Variants in ZC3H6 observed in about 807,000 individuals in gnomAD.
The protein encoded by ZC3H6 is zinc finger CCCH domain-containing protein 6.
A neutral mutation model predicts 107.7 loss-of-function variants in ZC3H6; 40 were observed. The observed-to-expected ratio is 0.37, with a 90% CI of 0.29 to 0.48. The LOEUF is 0.48. ZC3H6 is among the 20% of genes least tolerant of loss of function. The pLI is 0.98. For missense variants in ZC3H6, 1,267 were observed against 1,410.4 expected (o/e 0.90, Z 1.63); for synonymous variants, 493 against 487.9 (o/e 1.01, Z -0.14).
intron 1 of ZC3H6, among the ~76,000 whole-genome samples, chr2:112,285,577 C>T (rs1259802738): frequency 1.3e-5 from 2 of 148,766 alleles, no homozygotes; most frequent in African/African-American, 4.9e-5. Flanking sequence ...AGGCTGGTCT[C>T]CAACTCCCAA....
At chr2:112,309,171 A>G (rs1401383922) in intron 3 of ZC3H6, among the ~76,000 whole-genome samples, 1 of 152,232 alleles carries the variant, frequency 6.6e-6, no homozygotes, top group Non-Finnish European at 1.5e-5. Flanking sequence ...ACTAAAAAAA[A>G]TTGACAGAGG....
intron 9 of ZC3H6, 80 bp from the exon 10 acceptor site, chr2:112,324,072 C>A: frequency 2.1e-6 from 3 of 1,429,952 alleles, no homozygotes; most frequent in Non-Finnish European, 1.9e-6. Flanking sequence ...AGTACTTAAC[C>A]AATATCTGTT....
In ZC3H6 at chr2:112,322,886, CATA is replaced by C. The variant is rs1258225612; in HGVS notation, c.1326_1328del (p.His442_Lys443delinsGln). The C allele has an allele frequency of 3.2e-6, 5 of 1,580,620 alleles. No homozygotes were observed. The highest frequency in any genetic ancestry group is 4.3e-6 in the Non-Finnish European group (5 of 1,167,896). ...TGTAAAACCTACTGTGGATTTAGCG[CATA>C]AAATTGGGAGGAAGTAAGTGAAAAA... is the stretch of plus-strand genomic sequence containing the variant. On this transcript the variant is annotated inframe_deletion, in exon 9 of 12. Coordinates refer to ENST00000409871, the MANE Select transcript of ZC3H6 (RefSeq NM_198581.3).
At position 112,326,859 on chromosome 2, in the gene ZC3H6, C is replaced by T. The variant is rs538350448; in HGVS notation, c.2086+1662C>T. Among the ~76,000 whole-genome samples the T allele has an allele frequency of 1.8e-3, 271 of 152,022 alleles. 1 individual carries two copies. The highest frequency in any genetic ancestry group is 3.7e-3 in the South Asian group (18 of 4,806). ...AACTCCTGACCTCAGGTGATCTGCCCGCCTCGGCCTCCCAAAGTGCTGGGA... is the reference window on the plus strand; with the variant it reads ...AACTCCTGACCTCAGGTGATCTGCCTGCCTCGGCCTCCCAAAGTGCTGGGA... On this transcript the variant is annotated intron_variant, in intron 11 of 11. Coordinates refer to ENST00000409871, the MANE Select transcript of ZC3H6 (RefSeq NM_198581.3).
Position 112,332,477 on chromosome 2 carries a change from C to T in ZC3H6, c.3559C>T (p.Pro1187Ser). The T allele has an allele frequency of 1.9e-6, 3 of 1,604,542 alleles. No homozygotes were observed. The highest frequency in any genetic ancestry group is 1.1e-5 in the South Asian group (1 of 89,500). Reference sequence around the variant, plus strand: ...TAAAACTTTTGATCCAACTGCTTCACCATTTTGTTAGCTATTGTGTAACTG... The same window carrying T: ...TAAAACTTTTGATCCAACTGCTTCATCATTTTGTTAGCTATTGTGTAACTG... ...VFKTFDPTAS[P>S]FC The change falls in exon 12 of 12, where the codon CCA becomes TCA. Residue 1187 changes from proline (P) to serine (S), a missense_variant. Pro to Ser is a moderately conservative substitution (Grantham distance 74, BLOSUM62 -1). Transcript: ENST00000409871.
chr2:112,283,210 A>G (rs927056628), intron 1 of ZC3H6, among the ~76,000 whole-genome samples: 1 of 152,072 alleles, frequency 6.6e-6, no homozygotes, highest in African/African-American at 2.4e-5. Context: ...ATGTGTACCA[A>G]CCAAGACAGT....
intron 2 of ZC3H6, among the ~76,000 whole-genome samples, chr2:112,301,608 GAGT>G (rs531306479): frequency 9.2e-5 from 14 of 152,122 alleles, no homozygotes; most frequent in Non-Finnish European, 1.9e-4. Context: ...GAATAATGGA[GAGT>G]AAGTCTTCCA....
intron 1 of ZC3H6, among the ~76,000 whole-genome samples, chr2:112,277,366 G>T (rs983434317): frequency 1.3e-5 from 2 of 151,792 alleles, no homozygotes; most frequent in African/African-American, 4.8e-5. Flanking sequence ...CCAATGATGG[G>T]GTTTTGCTAA....
chr2:112,291,757 C>T (rs1048328425), intron 1 of ZC3H6, among the ~76,000 whole-genome samples: 2 of 152,086 alleles, frequency 1.3e-5, no homozygotes, highest in Non-Finnish European at 2.9e-5. Flanking sequence ...CTCATTCTGT[C>T]GCCCAGGCCA....
Position 112,332,231 on chromosome 2 carries a change from G to T in ZC3H6, c.3313G>T (p.Val1105Phe). Residue 1105 changes from valine (V) to phenylalanine (F), a missense_variant, in exon 12 of 12, where the codon GTC becomes TTC. Transcript: ENST00000409871. ...LPQKPSPNVG[V>F]TLEGPADPQA... ...ACAAAAACCCAGTCCAAACGTGGGAGTCACTCTTGAGGGGCCAGCTGACCC... is the reference window on the plus strand; with the variant it reads ...ACAAAAACCCAGTCCAAACGTGGGATTCACTCTTGAGGGGCCAGCTGACCC... 1 of 1,614,020 alleles carries T rather than the reference G, an allele frequency of 6.2e-7. No individual in the cohort carries two copies. The highest frequency in any genetic ancestry group is 8.5e-7 in the Non-Finnish European group (1 of 1,179,912).
chr2:112,325,925 G>C (rs1676898705), intron 11 of ZC3H6, among the ~76,000 whole-genome samples: 1 of 151,928 alleles, frequency 6.6e-6, no homozygotes, highest in South Asian at 2.1e-4. Context: ...AAAGTTTAAA[G>C]CATCCAGTTC....
chr2:112,306,484 T>C (rs1201196487), intron 3 of ZC3H6, among the ~76,000 whole-genome samples: 3 of 152,154 alleles, frequency 2.0e-5, no homozygotes, highest in Non-Finnish European at 4.4e-5. Context: ...GAAGTCTGTA[T>C]TTCTATTGCC....
chr2:112,321,661 G>C, intron 7 of ZC3H6, 95 bp from the exon 8 acceptor site: 1 of 618,698 alleles, frequency 1.6e-6, no homozygotes, highest in Non-Finnish European at 2.7e-6. Context: ...CAGATCTCTA[G>C]AACTTAACTA....
rs1030451283 is a variant in ZC3H6, at chr2:112,336,103, C to A, written c.*3615C>A. 11 of 152,178 alleles carry A rather than the reference C, an allele frequency of 7.2e-5. No individual in the cohort carries two copies. The highest frequency in any genetic ancestry group is 2.4e-4 in the African/African-American group (10 of 41,438). 9.4% of individuals were successfully genotyped at this position (152,178 alleles called of 1,614,324 possible). ...TTCAGGCATGTCACACTGCGGTCTT[C>A]CTGAAAGACTACTTACTTCATAAAG... On this transcript the variant is annotated 3_prime_UTR_variant, in exon 12 of 12. Coordinates refer to ENST00000409871, the MANE Select transcript of ZC3H6 (RefSeq NM_198581.3).
chr2:112,298,021 C>T (rs752569744), intron 1 of ZC3H6, among the ~76,000 whole-genome samples: 2 of 151,966 alleles, frequency 1.3e-5, no homozygotes, highest in Non-Finnish European at 2.9e-5. Flanking sequence ...GGCTGAGGCA[C>T]GAGAATCGCT....
rs1431069565 is a variant in ZC3H6 at position 112,276,018 on chromosome 2, G to A, written c.24G>A (p.Gly8=). MTDSEHA[G]HDREDGELED... is the part of the protein sequence containing the mutation. ...ACATGACAGACTCTGAACATGCAGGGCACGACAGGTCGGGAACCCTTCTTG... is the reference window on the plus strand; with the variant it reads ...ACATGACAGACTCTGAACATGCAGGACACGACAGGTCGGGAACCCTTCTTG... The change falls in exon 1 of 12, where the codon GGG becomes GGA. Residue 8 remains glycine (G), a synonymous_variant. Coordinates refer to ENST00000409871, the MANE Select transcript of ZC3H6 (RefSeq NM_198581.3). 3 of 1,541,986 alleles carry A rather than the reference G, an allele frequency of 1.9e-6. No homozygotes were observed. The highest frequency in any genetic ancestry group is 1.4e-5 in the African/African-American group (1 of 71,284).
chr2:112,289,813 T>TC (rs1676067551), intron 1 of ZC3H6, among the ~76,000 whole-genome samples: 1 of 152,254 alleles, frequency 6.6e-6, no homozygotes, highest in African/African-American at 2.4e-5. Context: ...CAATGACAGC[T>TC]TACTCTAGCC....
rs1187542936 is a variant in ZC3H6 at position 112,321,809 on chromosome 2, A to C, written c.1030A>C (p.Asn344His). The change falls in exon 8 of 12, where the codon AAC becomes CAC. Residue 344 changes from asparagine (N) to histidine (H), a missense_variant. Coordinates refer to ENST00000409871, the MANE Select transcript of ZC3H6 (RefSeq NM_198581.3). The part of the protein sequence containing the change: ...HSGAKCYQGD[N>H]CKFSHDDLTK... ...TGGAGCAAAATGTTACCAGGGAGAC[A>C]ACTGTAAATTTTCCCATGATGATCT... 1.3e-6 allele frequency: 2 copies of C among 1,552,342 alleles called. No homozygotes were observed. Among genetic ancestry groups the C allele is most frequent in the Admixed American group, 3.8e-5 (2 of 52,792 alleles).
rs1382602589 is a variant in ZC3H6 at position 112,275,784 on chromosome 2, T to C, written c.-211T>C. On this transcript the variant is annotated 5_prime_UTR_variant, in exon 1 of 12. Coordinates refer to ENST00000409871, the MANE Select transcript of ZC3H6 (RefSeq NM_198581.3). ...CGGGGCCGTTGCCCAGTGTTTGCAG[T>C]TAGAGCCCCATCTCTCTGGCGTGGT... 2.1e-6 allele frequency: 1 copy of C among 472,890 alleles called. No homozygotes were observed. Among genetic ancestry groups the C allele is most frequent in the Non-Finnish European group, 3.8e-6 (1 of 264,380 alleles). 29.3% of individuals were successfully genotyped at this position (472,890 alleles called of 1,614,324 possible). A position where few individuals can be genotyped will look rare whatever the true frequency, so the allele number is the denominator to read the frequency against.
Sources: allele counts gnomAD v4.1 joint callset (sites outside exome capture counted in the v4.1 genomes callset), GRCh38; gene constraint gnomAD v4.1.1; transcripts MANE v1.5; gene names NCBI Gene and HGNC (gene_info 2026-07-23, HGNC 2026-07-21).